Variants in SEC14L1 observed in about 807,000 individuals in gnomAD.
SEC14L1 encodes the protein SEC14 like lipid binding 1.
Under a neutral mutation model 85.3 loss-of-function variants are expected in SEC14L1, and 48 were observed. That is an observed-to-expected ratio of 0.56 (90% CI 0.45 to 0.72). The LOEUF (loss-of-function observed/expected upper bound fraction) is 0.72. Ranked by LOEUF, SEC14L1 falls within the 30% of genes least tolerant of loss-of-function variation. The pLI is 0.00. For missense variants in SEC14L1, 682 were observed against 921.4 expected (o/e 0.74, Z 3.36); for synonymous variants, 391 against 355.5 (o/e 1.10, Z -1.12).
At chr17:77,169,297 C>G (rs941925181) in intron 3 of SEC14L1, among the ~76,000 whole-genome samples, 4 of 152,158 alleles carry the variant, frequency 2.6e-5, no homozygotes, top group African/African-American at 9.7e-5. Context: ...AAAATTAAAT[C>G]AGAAGCTGGA....
chr17:77,141,535 G>T (rs1449869259), intron 1 of SEC14L1: 4 of 152,226 alleles, frequency 2.6e-5, no homozygotes, highest in Non-Finnish European at 5.9e-5. Flanking sequence ...CTCGGGATGC[G>T]TTCAGTGGGT....
chr17:77,098,035 G>A lies in SEC14L1; in HGVS notation c.-136+4688G>A, dbSNP rs201875440. 3.3e-5 allele frequency among the ~76,000 whole-genome samples: 5 copies of A among 152,254 alleles called. No homozygotes were observed. In the East Asian group the frequency reaches 9.7e-4, roughly 29 times the overall value. ...CAGTGCCCTGGCACACAAGCAAAAG[G>A]AGTTGATGAGAGGGCTGGGGGGCTG... On this transcript the variant is annotated intron_variant, in intron 3 of 19. Transcript: ENST00000392476.
intron 2 of SEC14L1, among the ~76,000 whole-genome samples, chr17:77,092,265 G>A (rs1435403643): frequency 9.2e-5 from 14 of 152,210 alleles, no homozygotes; most frequent in Admixed American, 9.2e-4. Flanking sequence ...TAAGCACATT[G>A]AGTCATACGC....
intron 3 of SEC14L1, among the ~76,000 whole-genome samples, chr17:77,097,633 G>T (rs1255527839): frequency 6.6e-6 from 1 of 151,868 alleles, no homozygotes; most frequent in Non-Finnish European, 1.5e-5. Flanking sequence ...GGGTGGGGGC[G>T]GGGGAGTGGG....
intron 3 of SEC14L1, among the ~76,000 whole-genome samples, chr17:77,096,997 A>AT (rs1252788080): frequency 2.0e-5 from 3 of 152,162 alleles, no homozygotes; most frequent in Non-Finnish European, 1.5e-5. Context: ...AGCGTTTATC[A>AT]TGTCAGGAAC....
chr17:77,162,532 G>T (rs957978675), intron 3 of SEC14L1, among the ~76,000 whole-genome samples: 1 of 152,086 alleles, frequency 6.6e-6, no homozygotes, highest in Non-Finnish European at 1.5e-5. Context: ...TGGTGGAAAG[G>T]TTAAAAAAAT....
In SEC14L1 at chr17:77,213,065, C is replaced by CG. The variant is rs1463157275; in HGVS notation, c.1864-248dup. ...TAGGTGGGGTGGGCTGGGCAGGCCTCGTGAGGGCCACGGACATGGAGCTTG... is the reference window on the plus strand; with the variant it reads ...TAGGTGGGGTGGGCTGGGCAGGCCTCGGTGAGGGCCACGGACATGGAGCTTG... On this transcript the variant is annotated intron_variant, in intron 15 of 16. Transcript: ENST00000436233. The surrounding 1 kb of genome is among the most constrained non-coding windows in gnomAD (Gnocchi z 7.1). Among the ~76,000 whole-genome samples the CG allele has an allele frequency of 6.6e-6, 1 of 152,238 alleles. No homozygotes were observed. Among genetic ancestry groups the CG allele is most frequent in the Non-Finnish European group, 1.5e-5 (1 of 68,032 alleles).
At chr17:77,091,150 T>A (rs1336783464) in intron 2 of SEC14L1, among the ~76,000 whole-genome samples, 1 of 152,124 alleles carries the variant, frequency 6.6e-6, no homozygotes, top group Non-Finnish European at 1.5e-5. Context: ...TGCAGTGGTG[T>A]GATCTTGGCT....
intron 13 of SEC14L1, among the ~76,000 whole-genome samples, chr17:77,208,327 A>T (rs918681764): frequency 6.6e-6 from 1 of 152,224 alleles, no homozygotes; most frequent in Non-Finnish European, 1.5e-5. Flanking sequence ...TCAGGTTCGT[A>T]GAAACCTCTG....
At position 77,213,566 on chromosome 17, in the gene SEC14L1, G is replaced by GT. The variant is rs763341899; in HGVS notation, c.2042+75dup. ...TGGAGGGAGCCTGCAGTCCCACGCC[G>GT]TGTGCAGGATCAGCAGTGGCGGCGG... is the stretch of plus-strand genomic sequence containing the variant. On this transcript the variant is annotated intron_variant, in intron 16 of 16. Coordinates refer to ENST00000436233, the MANE Select transcript of SEC14L1 (RefSeq NM_001143998.2). The surrounding 1 kb of genome is among the most constrained non-coding windows in gnomAD (Gnocchi z 7.1). 4 of 1,550,948 alleles carry GT rather than the reference G, an allele frequency of 2.6e-6. No individual in the cohort carries two copies. Among genetic ancestry groups the GT allele is most frequent in the Non-Finnish European group, 3.5e-6 (4 of 1,139,282 alleles).
intron 7 of SEC14L1, chr17:77,195,163 T>A (rs1156709708): frequency 4.0e-6 from 2 of 501,946 alleles, no homozygotes; most frequent in Non-Finnish European, 7.1e-6. Flanking sequence ...CCAGAAGGTG[T>A]TTGTTTGTTT....
chr17:77,206,664 C>A lies in SEC14L1; in HGVS notation c.1342-64C>A, dbSNP rs759083704. ...CCTCCCACTCAGAATACCACATTGT[C>A]ATTTTAATCTTGGACACTCAGGCAG... On this transcript the variant is annotated intron_variant, in intron 12 of 16. Transcript: ENST00000436233. This position sits in a 1 kb window ranked among gnomAD's most constrained non-coding sequence, Gnocchi z 4.3. The A allele has an allele frequency of 1.3e-6, 2 of 1,542,494 alleles. No homozygotes were observed. Among genetic ancestry groups the A allele is most frequent in the Middle Eastern group, 2.0e-4 (1 of 5,048 alleles).
rs144895782 is a variant in SEC14L1, at chr17:77,203,869, C to T, written c.1098+211C>T. On this transcript the variant is annotated intron_variant, in intron 10 of 16. Coordinates refer to ENST00000436233, the MANE Select transcript of SEC14L1 (RefSeq NM_001143998.2). ...ACAGTGGAAGCGTCAGTGAGGCAGT[C>T]AGGGTCTCCCCCGAGATGCCTGTGT... Among the ~76,000 whole-genome samples, 567 of 152,302 alleles carry T rather than the reference C, an allele frequency of 3.7e-3. 5 individuals carry two copies. Among genetic ancestry groups the T allele is most frequent in the African/African-American group, 0.013 (545 of 41,550 alleles).
chr17:77,106,558 TG>T lies in SEC14L1; in HGVS notation c.-136+13214del, dbSNP rs1219638756. The stretch of plus-strand genomic sequence containing the variant: ...AAAAGATAAAACAACAAAAAAATTA[TG>T]GGAGGCTGAGGCGGGTGGATCACCT... On this transcript the variant is annotated intron_variant, in intron 3 of 19. Coordinates refer to the SEC14L1 transcript ENST00000392476. 5.3e-5 allele frequency among the ~76,000 whole-genome samples: 8 copies of T among 151,112 alleles called. No individual in the cohort carries two copies. The East Asian group carries it at 1.6e-3, about 29-fold the overall frequency.
chr17:77,216,425 AGGTAGGGTTCG>A lies in SEC14L1; in HGVS notation c.*2403_*2413del, dbSNP rs1469084280. ...GGTAGGGTTCGTAGGTAGGGTTCGT[AGGTAGGGTTCG>A]TAGGTAGGGTTAGTAGCGCGTCTGT... On this transcript the variant is annotated 3_prime_UTR_variant, in exon 17 of 17. Coordinates refer to ENST00000436233, the MANE Select transcript of SEC14L1 (RefSeq NM_001143998.2). The A allele has an allele frequency of 6.4e-7, 1 of 1,574,672 alleles. No individual in the cohort carries two copies. The highest frequency in any genetic ancestry group is 1.8e-5 in the Admixed American group (1 of 56,040).
At chr17:77,095,454 T>A (rs1386938156) in intron 3 of SEC14L1, among the ~76,000 whole-genome samples, 1 of 152,214 alleles carries the variant, frequency 6.6e-6, no homozygotes, top group Non-Finnish European at 1.5e-5. Flanking sequence ...ATGAAGTGTC[T>A]GCAGACACAC....
chr17:77,121,896 C>T (rs1274126501), intron 3 of SEC14L1, among the ~76,000 whole-genome samples: 3 of 152,208 alleles, frequency 2.0e-5, no homozygotes, highest in East Asian at 3.8e-4. Flanking sequence ...ATTCTTTCTG[C>T]TCCTCTTGTC....
chr17:77,185,844 CTG>C (rs1342685745), intron 3 of SEC14L1, among the ~76,000 whole-genome samples: 1 of 152,002 alleles, frequency 6.6e-6, no homozygotes, highest in African/African-American at 2.4e-5. Context: ...TGGGACTTAT[CTG>C]TGGTGGGATC....
intron 3 of SEC14L1, among the ~76,000 whole-genome samples, chr17:77,118,767 T>C (rs1972234367): frequency 6.6e-6 from 1 of 152,252 alleles, no homozygotes; most frequent in African/African-American, 2.4e-5. Flanking sequence ...TAGAAGCTGC[T>C]GTCAATCACC....
Sources: gnomAD v4.1 joint callset for allele counts (sites outside exome capture counted in the v4.1 genomes callset) on GRCh38, gnomAD v4.1.1 for gene constraint, Gnocchi (gnomAD v3.1) non-coding constraint, MANE v1.5 for transcripts, NCBI Gene and HGNC (gene_info 2026-07-23, HGNC 2026-07-21) for gene names.